MAGI2: variants seen among roughly 807,000 people sequenced by gnomAD.
MAGI2 encodes the protein membrane-associated guanylate kinase, WW and PDZ domain-containing protein 2.
MAGI2 carries 35 observed loss-of-function variants against 133.3 expected under a neutral mutation model. The observed-to-expected ratio is 0.26, with a 90% CI of 0.20 to 0.35. The LOEUF (loss-of-function observed/expected upper bound fraction) is 0.35, where lower values mean the gene tolerates loss of function less well. Among genes scored for constraint, MAGI2 ranks in the 10% least tolerant of loss-of-function variants. The pLI is 1.00. For missense variants in MAGI2, 1,636 were observed against 1,863.4 expected (o/e 0.88, Z 2.25); for synonymous variants, 729 against 710.6 (o/e 1.03, Z -0.41).
At position 78,853,332 on chromosome 7, in the gene MAGI2, C is replaced by CTTTTTTTTTTTTTTTTTTTTTTTTT. The variant is rs60580466; in HGVS notation, c.418+153733_418+153757dup. Among the ~76,000 whole-genome samples, 7 of 25,076 alleles carry CTTTTTTTTTTTTTTTTTTTTTTTTT rather than the reference C, an allele frequency of 2.8e-4. 2 individuals carry two copies. Among genetic ancestry groups the CTTTTTTTTTTTTTTTTTTTTTTTTT allele is most frequent in the Non-Finnish European group, 4.3e-4 (6 of 13,910 alleles). The allele number at this position is 25,076 out of a possible 152,430, so 16.5% of individuals were successfully genotyped here. ...CTCATATTACTCTTGTCCATTCGTTCTTTTTTTTTTTTTTTTTTTTTTTTT... is the reference window on the plus strand; with the variant it reads ...CTCATATTACTCTTGTCCATTCGTTCTTTTTTTTTTTTTTTTTTTTTTTTTTTTTTTTTTTTTTTTTTTTTTTTTT... On this transcript the variant is annotated intron_variant, in intron 2 of 21. Transcript: ENST00000354212.
chr7:78,840,352 A>G (rs1417749340), intron 2 of MAGI2, among the ~76,000 whole-genome samples: 1 of 152,058 alleles, frequency 6.6e-6, no homozygotes, highest in Non-Finnish European at 1.5e-5. Flanking sequence ...CAAGCCATGT[A>G]GAGTTGCTTA....
intron 6 of MAGI2, among the ~76,000 whole-genome samples, chr7:78,409,253 C>T (rs1797653872): frequency 6.6e-6 from 1 of 151,962 alleles, no homozygotes; most frequent in Admixed American, 6.6e-5. Flanking sequence ...TCTCAACACA[C>T]CGCATGATTT....
At chr7:78,514,605 T>G (rs1480573251) in intron 4 of MAGI2, among the ~76,000 whole-genome samples, 1 of 152,190 alleles carries the variant, frequency 6.6e-6, no homozygotes, top group Non-Finnish European at 1.5e-5. Context: ...CAAATCGCAG[T>G]CTCTGTGAAC....
chr7:79,166,260 G>C lies in MAGI2; in HGVS notation c.302-159054C>G, dbSNP rs78286564. Among the ~76,000 whole-genome samples the C allele has an allele frequency of 8.5e-3, 1,295 of 152,084 alleles. 16 individuals are homozygous for C. Among genetic ancestry groups the C allele is most frequent in the African/African-American group, 0.03 (1,234 of 41,508 alleles). On this transcript the variant is annotated intron_variant, in intron 1 of 21. Transcript: ENST00000354212. ...TATAGCAAAGGGAGAGTCACTCCAT[G>C]ATCAGATTACATTGTATGAGACCGA...
intron 16 of MAGI2, among the ~76,000 whole-genome samples, chr7:78,135,761 C>A (rs1032559473): frequency 1.4e-4 from 22 of 152,088 alleles, no homozygotes; most frequent in Non-Finnish European, 3.1e-4. Flanking sequence ...TGGGTAGTAG[C>A]CACTTGGTAA....
At chr7:79,063,561 C>T (rs1158196595) in intron 1 of MAGI2, among the ~76,000 whole-genome samples, 2 of 151,880 alleles carry the variant, frequency 1.3e-5, no homozygotes, top group Non-Finnish European at 2.9e-5. Context: ...GGAGAGGCAA[C>T]TAGGAAGGAG....
At chr7:78,816,779 A>C (rs1789621109) in intron 2 of MAGI2, among the ~76,000 whole-genome samples, 1 of 152,218 alleles carries the variant, frequency 6.6e-6, no homozygotes, top group African/African-American at 2.4e-5. Flanking sequence ...TTGACAATGC[A>C]CTTGGTCACC....
At chr7:78,311,482 G>C (rs1798699104) in intron 9 of MAGI2, among the ~76,000 whole-genome samples, 1 of 152,164 alleles carries the variant, frequency 6.6e-6, no homozygotes, top group Non-Finnish European at 1.5e-5. Context: ...AGGATCAAGG[G>C]GATGGATCTA....
At chr7:79,058,469 G>C (rs920464620) in intron 1 of MAGI2, among the ~76,000 whole-genome samples, 6 of 152,116 alleles carry the variant, frequency 3.9e-5, no homozygotes, top group Non-Finnish European at 8.8e-5. Flanking sequence ...CTACTCCACA[G>C]TTGAGAAAGC....
At chr7:79,038,791 T>C (rs1811349229) in intron 1 of MAGI2, among the ~76,000 whole-genome samples, 1 of 152,232 alleles carries the variant, frequency 6.6e-6, no homozygotes, top group Non-Finnish European at 1.5e-5. Flanking sequence ...CAGCCTTGCC[T>C]GCATTGTTTT....
intron 1 of MAGI2, among the ~76,000 whole-genome samples, chr7:79,260,914 T>TG (rs776585332): frequency 2.0e-5 from 3 of 152,172 alleles, no homozygotes; most frequent in Admixed American, 2.0e-4. Context: ...ACTAACTGAA[T>TG]GGGGGTGTTC....
chr7:78,981,636 G>T (rs538518554), intron 2 of MAGI2, among the ~76,000 whole-genome samples: 1 of 151,864 alleles, frequency 6.6e-6, no homozygotes, highest in African/African-American at 2.4e-5. Context: ...TTCAGAGGTA[G>T]ATTGTACCCT....
chr7:78,888,188 G>T (rs1273238932), intron 2 of MAGI2, among the ~76,000 whole-genome samples: 1 of 152,316 alleles, frequency 6.6e-6, no homozygotes, highest in Admixed American at 6.5e-5. Flanking sequence ...GGGGAGGGGC[G>T]CCCACCATTG....
chr7:79,220,590 G>A (rs1285388056), intron 1 of MAGI2, among the ~76,000 whole-genome samples: 2 of 151,920 alleles, frequency 1.3e-5, no homozygotes, highest in Non-Finnish European at 2.9e-5. Flanking sequence ...TCAGAGAAGC[G>A]GCAAAGATAT....
intron 2 of MAGI2, among the ~76,000 whole-genome samples, chr7:78,869,245 A>G (rs1290992633): frequency 2.0e-5 from 3 of 151,994 alleles, no homozygotes; most frequent in Non-Finnish European, 4.4e-5. Context: ...CCATCTATTT[A>G]TTTTTGTTAT....
intron 3 of MAGI2, among the ~76,000 whole-genome samples, chr7:78,611,062 T>C (rs1020035196): frequency 9.2e-5 from 14 of 152,226 alleles, no homozygotes; most frequent in African/African-American, 3.1e-4. Flanking sequence ...AATACTTTCA[T>C]TGAAGAAACA....
chr7:79,181,139 A>T (rs2129550333), intron 1 of MAGI2, among the ~76,000 whole-genome samples: 1 of 151,944 alleles, frequency 6.6e-6, no homozygotes, highest in Admixed American at 6.6e-5. Context: ...TGGAATCTGG[A>T]GAACAGTGGC....
intron 1 of MAGI2, among the ~76,000 whole-genome samples, chr7:79,386,036 C>T (rs1844156197): frequency 6.6e-6 from 1 of 151,832 alleles, no homozygotes; most frequent in African/African-American, 2.4e-5. Context: ...ATTCTGATAA[C>T]ATTAAAATTA....
chr7:78,507,125 C>CT (rs1198268687), intron 4 of MAGI2, among the ~76,000 whole-genome samples: 1 of 152,082 alleles, frequency 6.6e-6, no homozygotes, highest in African/African-American at 2.4e-5. Context: ...GATTATAGAC[C>CT]TTTTTATCAG....
Sources: allele counts gnomAD v4.1 joint callset (sites outside exome capture counted in the v4.1 genomes callset), GRCh38; gene constraint gnomAD v4.1.1; transcripts MANE v1.5; gene names NCBI Gene and HGNC (gene_info 2026-07-23, HGNC 2026-07-21).